PTPRD: variants seen among roughly 807,000 people sequenced by gnomAD.
The protein encoded by PTPRD is protein tyrosine phosphatase receptor type D.
PTPRD carries 34 observed loss-of-function variants against 214.5 expected under a neutral mutation model. The observed-to-expected ratio is 0.16, with a 90% CI of 0.12 to 0.21. The LOEUF is 0.21. Ranked by LOEUF, PTPRD falls within the 10% of genes least tolerant of loss-of-function variation. The pLI, the probability that PTPRD is intolerant of heterozygous loss-of-function variation, is 1.00. For synonymous variants in PTPRD, 1,128 were observed against 845.7 expected (o/e 1.33, Z -5.79); for missense variants, 2,545 against 2,398.7 (o/e 1.06, Z -1.27).
chr9:8,760,292 C>A (rs771904843), intron 11 of PTPRD, among the ~76,000 whole-genome samples: 1 of 152,146 alleles, frequency 6.6e-6, no homozygotes, highest in African/African-American at 2.4e-5. Flanking sequence ...TTTCAATCAT[C>A]AGCTTTTTTC....
intron 3 of PTPRD, among the ~76,000 whole-genome samples, chr9:10,309,982 G>A (rs1020382739): frequency 2.0e-5 from 3 of 151,898 alleles, no homozygotes; most frequent in Admixed American, 6.6e-5. Context: ...GAAATAATAT[G>A]TTCAGAGTTT....
At chr9:9,361,344 A>G (rs904433879) in intron 9 of PTPRD, among the ~76,000 whole-genome samples, 1 of 151,172 alleles carries the variant, frequency 6.6e-6, no homozygotes, top group African/African-American at 2.4e-5. Context: ...TTAATATTCA[A>G]TAATTCCTTA....
intron 11 of PTPRD, among the ~76,000 whole-genome samples, chr9:8,997,300 T>G (rs970070356): frequency 2.0e-5 from 3 of 152,144 alleles, no homozygotes; most frequent in Non-Finnish European, 2.9e-5. Context: ...GTGGCAGTCC[T>G]TCATCAAGCA....
intron 9 of PTPRD, among the ~76,000 whole-genome samples, chr9:9,393,319 G>C (rs954912462): frequency 6.6e-6 from 1 of 152,132 alleles, no homozygotes; most frequent in African/African-American, 2.4e-5. Flanking sequence ...TTGATACCAG[G>C]AGAGGCACTT....
At chr9:8,545,722 T>C (rs1006164140) in intron 14 of PTPRD, among the ~76,000 whole-genome samples, 6 of 152,230 alleles carry the variant, frequency 3.9e-5, no homozygotes, top group African/African-American at 9.6e-5. Context: ...TTGATCACCA[T>C]TGAAAGTTCA....
At chr9:8,441,039 A>C (rs1447501371) in intron 34 of PTPRD, among the ~76,000 whole-genome samples, 1 of 152,146 alleles carries the variant, frequency 6.6e-6, no homozygotes, top group Non-Finnish European at 1.5e-5. Context: ...TGGGGGGCAA[A>C]GTCTCCACAG....
chr9:8,401,549 T>C (rs1329749071), intron 36 of PTPRD, among the ~76,000 whole-genome samples: 1 of 152,160 alleles, frequency 6.6e-6, no homozygotes, highest in Non-Finnish European at 1.5e-5. Flanking sequence ...TATTCTGCAT[T>C]TTTCCTAGCC....
Position 8,314,557 on chromosome 9 carries a change from G to A in PTPRD, c.*3317C>T, listed in dbSNP as rs921164006. On this transcript the variant is annotated 3_prime_UTR_variant, in exon 46 of 46. Coordinates refer to ENST00000381196, the MANE Select transcript of PTPRD (RefSeq NM_002839.4). ...GGGATGGCAAAGCCACATAACGGAT[G>A]GATAGAATGGATCTGTAGCCTTCTG... is the stretch of plus-strand genomic sequence containing the variant. 18 of 232,010 alleles carry A rather than the reference G, an allele frequency of 7.8e-5. No individual in the cohort carries two copies. The highest frequency in any genetic ancestry group is 3.5e-4 in the African/African-American group (16 of 45,240). 14.4% of individuals were successfully genotyped at this position (232,010 alleles called of 1,614,324 possible).
chr9:10,512,037 TATATATACAC>T (rs2048443487), intron 2 of PTPRD, among the ~76,000 whole-genome samples: 1 of 143,292 alleles, frequency 7.0e-6, no homozygotes, highest in Non-Finnish European at 1.5e-5. Flanking sequence ...TATGTATATA[TATATATACAC>T]ACACGTATAT....
rs1286297474 is a variant in PTPRD, at chr9:9,352,092, C to T, written c.-203+45357G>A. Among the ~76,000 whole-genome samples the T allele has an allele frequency of 2.6e-5, 4 of 151,838 alleles. No individual in the cohort carries two copies. The South Asian group carries it at 8.3e-4, about 32-fold the overall frequency. ...CAAAGTGCTGGGATTACAGGAATCC[C>T]AGCCTCTGCACCTGGCCCTTGCATT... is the stretch of plus-strand genomic sequence containing the variant. On this transcript the variant is annotated intron_variant, in intron 9 of 45. Coordinates refer to ENST00000381196, the MANE Select transcript of PTPRD (RefSeq NM_002839.4).
At chr9:8,413,683 T>G (rs1589791336) in intron 35 of PTPRD, among the ~76,000 whole-genome samples, 1 of 152,274 alleles carries the variant, frequency 6.6e-6, no homozygotes, top group East Asian at 1.9e-4. Context: ...TCATTAATAC[T>G]TATATCCATG....
intron 7 of PTPRD, among the ~76,000 whole-genome samples, chr9:9,657,021 T>C (rs1275432088): frequency 6.6e-6 from 1 of 152,140 alleles, no homozygotes; most frequent in South Asian, 2.1e-4. Flanking sequence ...GTTTGATGTG[T>C]AGTATGCACT....
intron 11 of PTPRD, among the ~76,000 whole-genome samples, chr9:8,929,369 A>G (rs1466610956): frequency 6.6e-6 from 1 of 152,046 alleles, no homozygotes; most frequent in East Asian, 1.9e-4. Context: ...TTCCATCAAT[A>G]CCTAGTTTAT....
intron 2 of PTPRD, among the ~76,000 whole-genome samples, chr9:10,344,445 C>T (rs12375514): frequency 0.12 from 18,538 of 151,900 alleles, 1,189 homozygotes; most frequent in African/African-American, 0.15. Context: ...TGTAGTATAG[C>T]TTGAAGTCAG....
intron 39 of PTPRD, among the ~76,000 whole-genome samples, chr9:8,350,364 A>T (rs2075106600): frequency 6.6e-6 from 1 of 152,162 alleles, no homozygotes; most frequent in Non-Finnish European, 1.5e-5. Flanking sequence ...ACAGTAAAAT[A>T]TGGACTAAAA....
intron 3 of PTPRD, among the ~76,000 whole-genome samples, chr9:10,189,344 A>G (rs1207033410): frequency 6.6e-6 from 1 of 152,154 alleles, no homozygotes; most frequent in African/African-American, 2.4e-5. Context: ...TTCCATACGC[A>G]TGGGTCTTTC....
intron 11 of PTPRD, among the ~76,000 whole-genome samples, chr9:8,995,142 A>T (rs1359677331): frequency 1.3e-4 from 20 of 152,046 alleles, no homozygotes; most frequent in Admixed American, 1.3e-3. Flanking sequence ...GCATTTTTTT[A>T]AAAGGAGGAG....
chr9:9,362,414 C>T (rs1401295072), intron 9 of PTPRD, among the ~76,000 whole-genome samples: 1 of 151,106 alleles, frequency 6.6e-6, no homozygotes, highest in African/African-American at 2.4e-5. Flanking sequence ...TATCAACCAA[C>T]TAAAAACTAC....
intron 4 of PTPRD, among the ~76,000 whole-genome samples, chr9:9,952,777 C>G (rs10978131): frequency 0.21 from 32,351 of 152,088 alleles, 3,909 homozygotes; most frequent in Middle Eastern, 0.39. Flanking sequence ...GTAATACTGT[C>G]ATGAACCTCC....
Sources: gnomAD v4.1 joint callset for allele counts (sites outside exome capture counted in the v4.1 genomes callset) on GRCh38, gnomAD v4.1.1 for gene constraint, MANE v1.5 for transcripts, NCBI Gene and HGNC (gene_info 2026-07-23, HGNC 2026-07-21) for gene names.